The following ZNF331 variants were observed in gnomAD, a reference collection of about 807,000 sequenced individuals.
ZNF331 encodes the protein zinc finger protein 331.
A neutral mutation model predicts 7.0 loss-of-function variants in ZNF331; 2 were observed. That is an observed-to-expected ratio of 0.29 (90% CI 0.12 to 0.90). The LOEUF is 0.90. ZNF331 is among the 40% of genes least tolerant of loss of function. The pLI is 0.58. For missense variants in ZNF331, 432 were observed against 587.7 expected (o/e 0.74, Z 2.74); for synonymous variants, 196 against 205.4 (o/e 0.95, Z 0.39).
intron 2 of ZNF331, among the ~76,000 whole-genome samples, chr19:53,525,878 A>G (rs550165360): frequency 2.0e-5 from 3 of 152,182 alleles, no homozygotes; most frequent in Non-Finnish European, 4.4e-5. Context: ...TGATATTTCA[A>G]CTTTTCACCA....
chr19:53,506,348 A>AG, the ZNF331 span, among the ~76,000 whole-genome samples: 4 of 145,922 alleles, frequency 2.7e-5, 1 homozygote, highest in East Asian at 3.9e-4. Context: ...AAAAAAAAAA[A>AG]AAAAGAAAAG....
the ZNF331 span, among the ~76,000 whole-genome samples, chr19:53,512,969 T>C: frequency 6.6e-6 from 1 of 151,256 alleles, no homozygotes; most frequent in East Asian, 1.9e-4. Context: ...GACAGTTCTC[T>C]GCTAAGGAAG....
rs181712749 is a variant in ZNF331, at chr19:53,578,623, G to A, written c.*671G>A. ...TCGTATATATGTACAGGAAAAAAAC[G>A]TACTATCTGTGGTTTCAGGTGTCCA... On this transcript the variant is annotated 3_prime_UTR_variant, in exon 6 of 6. Transcript: ENST00000449416. 11 of 203,538 alleles carry A rather than the reference G, an allele frequency of 5.4e-5. No individual in the cohort carries two copies. In the South Asian group the frequency reaches 9.5e-4, roughly 18 times the overall value. The allele number at this position is 203,538 out of a possible 1,614,324, so 12.6% of individuals were successfully genotyped here.
In ZNF331 at chr19:53,560,788, C is replaced by G. The variant is rs1444585737; in HGVS notation, c.-74+4880C>G. 6.6e-6 allele frequency among the ~76,000 whole-genome samples: 1 copy of G among 152,184 alleles called. No homozygotes were observed. The highest frequency in any genetic ancestry group is 2.4e-5 in the African/African-American group (1 of 41,430). On this transcript the variant is annotated intron_variant, in intron 3 of 5. Coordinates refer to ENST00000449416, the MANE Select transcript of ZNF331 (RefSeq NM_001079906.2). This position sits in a 1 kb window ranked among gnomAD's most constrained non-coding sequence, Gnocchi z 4.3. ...GTCACACCACTCTGACCCTCCTCCTCTAAGTTTAAGGACTCTGGTCATTAC... is the reference window on the plus strand; with the variant it reads ...GTCACACCACTCTGACCCTCCTCCTGTAAGTTTAAGGACTCTGGTCATTAC...
chr19:53,510,635 CAG>C, the ZNF331 span, among the ~76,000 whole-genome samples: 6 of 152,084 alleles, frequency 3.9e-5, no homozygotes, highest in Non-Finnish European at 8.8e-5. Context: ...CGTTCTTTTT[CAG>C]AGTTTTCTTG....
At chr19:53,544,321 G>A (rs1216680144) in intron 2 of ZNF331, among the ~76,000 whole-genome samples, 7 of 148,906 alleles carry the variant, frequency 4.7e-5, no homozygotes, top group African/African-American at 7.4e-5. Context: ...CAAGGTGGGC[G>A]GATCACGAGG....
chr19:53,578,538 G>C lies in ZNF331; in HGVS notation c.*586G>C, dbSNP rs2090818168. The C allele has an allele frequency of 4.6e-6, 1 of 216,480 alleles. No individual in the cohort carries two copies. The allele number at this position is 216,480 out of a possible 1,614,324, so 13.4% of individuals were successfully genotyped here. A position where few individuals can be genotyped will look rare whatever the true frequency, so the allele number is the denominator to read the frequency against. On this transcript the variant is annotated 3_prime_UTR_variant, in exon 6 of 6. Transcript: ENST00000449416. ...GTTACTGTTGGTAATCTCTTACTGT[G>C]CCTAATTTATAAATTAAACTTTAGA...
Position 53,577,616 on chromosome 19 carries a change from G to A in ZNF331, c.1056G>A (p.Glu352=), listed in dbSNP as rs1455109995. 2 of 1,613,778 alleles carry A rather than the reference G, an allele frequency of 1.2e-6. No individual in the cohort carries two copies. The highest frequency in any genetic ancestry group is 1.7e-6 in the Non-Finnish European group (2 of 1,179,974). Residue 352 remains glutamate (E), a synonymous_variant, in exon 6 of 6, where the codon GAG becomes GAA. Transcript: ENST00000449416. Reference sequence around the variant, plus strand: ...AGCACGAGAGGATACATACGGGCGAGAAGCCGTACAAGTGCACAGAATGTG... The same window carrying A: ...AGCACGAGAGGATACATACGGGCGAAAAGCCGTACAAGTGCACAGAATGTG... ...LVKHERIHTG[E]KPYKCTECGK...
intron 2 of ZNF331, among the ~76,000 whole-genome samples, chr19:53,525,913 T>C (rs1202105298): frequency 1.3e-5 from 2 of 152,216 alleles, no homozygotes; most frequent in African/African-American, 2.4e-5. Flanking sequence ...AGCTATGTGC[T>C]TGTGTTATAT....
intron 2 of ZNF331, among the ~76,000 whole-genome samples, chr19:53,527,308 C>T (rs997636111): frequency 6.6e-6 from 1 of 152,192 alleles, no homozygotes; most frequent in African/African-American, 2.4e-5. Context: ...AATGGATAGG[C>T]TTGTGGGAAG....
At chr19:53,524,812 T>C (rs556463839) in intron 2 of ZNF331, among the ~76,000 whole-genome samples, 2 of 152,338 alleles carry the variant, frequency 1.3e-5, no homozygotes, top group South Asian at 4.1e-4. Context: ...CCATTGCTTT[T>C]GGTGTTTTAG....
chr19:53,514,791 C>CA (rs572802781), upstream of ZNF331, among the ~76,000 whole-genome samples: 528 of 151,850 alleles, frequency 3.5e-3, 14 homozygotes, highest in Admixed American at 0.025. Context: ...GCTGGGACTA[C>CA]AGAAGCCCGC....
At chr19:53,569,257 G>A in intron 3 of ZNF331, 47 bp from the exon 4 acceptor site, 2 of 1,061,356 alleles carry the variant, frequency 1.9e-6, no homozygotes, top group Non-Finnish European at 1.4e-6. Flanking sequence ...CATCACTATG[G>A]GGACCCCAGA....
chr19:53,566,818 G>A (rs1231192908), intron 3 of ZNF331, among the ~76,000 whole-genome samples: 4 of 106,324 alleles, frequency 3.8e-5, no homozygotes, highest in East Asian at 2.8e-4. Context: ...AGAACTTCCC[G>A]GATTTTTTCT....
intron 2 of ZNF331, among the ~76,000 whole-genome samples, chr19:53,548,622 A>G (rs1289086135): frequency 2.0e-5 from 3 of 152,058 alleles, no homozygotes; most frequent in Non-Finnish European, 2.9e-5. Context: ...TCCATAGGCT[A>G]CCTTTTCATT....
chr19:53,559,689 TATACAC>T (rs1475523504), intron 3 of ZNF331, among the ~76,000 whole-genome samples: 36 of 119,154 alleles, frequency 3.0e-4, no homozygotes, highest in African/African-American at 1.3e-3. Context: ...CATACACACA[TATACAC>T]ACCCCATATA....
chr19:53,510,059 G>A, the ZNF331 span, among the ~76,000 whole-genome samples: 2 of 152,184 alleles, frequency 1.3e-5, no homozygotes, highest in African/African-American at 4.8e-5. Flanking sequence ...CCCCTGGCAC[G>A]TGGGGATTAC....
chr19:53,548,921 C>T (rs985197348), intron 2 of ZNF331, among the ~76,000 whole-genome samples: 3 of 151,620 alleles, frequency 2.0e-5, no homozygotes, highest in Non-Finnish European at 2.9e-5. Context: ...GATCTCGGCT[C>T]ACTGCAACCT....
At chr19:53,559,426 C>T in intron 3 of ZNF331, among the ~76,000 whole-genome samples, 1 of 151,024 alleles carries the variant, frequency 6.6e-6, no homozygotes, top group East Asian at 1.9e-4. Flanking sequence ...ACATCGTACA[C>T]ACACACCATA....
Sources: gnomAD v4.1 joint callset for allele counts (sites outside exome capture counted in the v4.1 genomes callset) on GRCh38, gnomAD v4.1.1 for gene constraint, Gnocchi (gnomAD v3.1) non-coding constraint, MANE v1.5 for transcripts, NCBI Gene and HGNC (gene_info 2026-07-23, HGNC 2026-07-21) for gene names.